Variants in DPY30 observed in about 807,000 individuals in gnomAD.
DPY30 encodes the protein dpy-30 histone methyltransferase complex regulatory subunit.
In DPY30, 6 loss-of-function variants were observed where a neutral mutation model predicts 16.2. The ratio of observed to expected loss-of-function variants is 0.37; its 90% CI spans 0.20 to 0.73. DPY30 has a LOEUF of 0.73. Among genes scored for constraint, DPY30 ranks in the 30% least tolerant of loss-of-function variants. The probability of loss-of-function intolerance (pLI) is 0.51; values close to 1 mark genes in which losing one functional copy is unlikely to be tolerated. For synonymous variants in DPY30, 39 were observed against 38.8 expected (o/e 1.00, Z -0.02); for missense variants, 73 against 113.1 (o/e 0.65, Z 1.61).
At chr2:32,029,759 G>T in intron 3 of DPY30, 23 bp from the exon 4 acceptor site, 1 of 1,611,200 alleles carries the variant, frequency 6.2e-7, no homozygotes, top group East Asian at 2.2e-5. Flanking sequence ...AAAAAACAGT[G>T]CATGAACATT....
intron 3 of DPY30, among the ~76,000 whole-genome samples, chr2:32,037,268 TCTC>T (rs888585206): frequency 5.9e-5 from 9 of 152,238 alleles, no homozygotes; most frequent in East Asian, 3.9e-4. Flanking sequence ...AATGTAAAAT[TCTC>T]CTTTTTTTGT....
intron 4 of DPY30, 84 bp from the exon 5 acceptor site, chr2:32,024,340 A>T: frequency 9.9e-7 from 1 of 1,010,872 alleles, no homozygotes; most frequent in Non-Finnish European, 1.5e-6. Context: ...ATGAAAACTC[A>T]TCTTTTTAAG....
At chr2:32,019,217 T>A (rs1184210676), downstream of DPY30, among the ~76,000 whole-genome samples, 2 of 152,118 alleles carry the variant, frequency 1.3e-5, no homozygotes. Flanking sequence ...CTCAGCCTTC[T>A]GAGCAGCTGG....
chr2:32,030,547 G>C (rs1018272790), intron 3 of DPY30, among the ~76,000 whole-genome samples: 5 of 151,402 alleles, frequency 3.3e-5, no homozygotes, highest in African/African-American at 1.2e-4. Flanking sequence ...GGAGAATGGC[G>C]TGAACCTGGG....
At chr2:32,021,771 T>TA (rs910359171), downstream of DPY30, among the ~76,000 whole-genome samples, 1 of 151,976 alleles carries the variant, frequency 6.6e-6, no homozygotes, top group African/African-American at 2.4e-5. Flanking sequence ...ACATAAATAA[T>TA]ACTTATATTA....
intron 3 of DPY30, among the ~76,000 whole-genome samples, chr2:32,036,608 T>C (rs1279812727): frequency 1.3e-5 from 2 of 150,702 alleles, no homozygotes; most frequent in Non-Finnish European, 2.9e-5. Flanking sequence ...AAGGCGGAGC[T>C]TGCAGTGAGC....
At chr2:32,027,270 C>CA (rs1182400819) in intron 4 of DPY30, among the ~76,000 whole-genome samples, 892 of 69,930 alleles carry the variant, frequency 0.013, 5 homozygotes, top group African/African-American at 0.025. Context: ...GACTCTGTCT[C>CA]AAAAAAAAAA....
chr2:32,038,397 G>A (rs1221422902), intron 3 of DPY30, among the ~76,000 whole-genome samples: 3 of 103,456 alleles, frequency 2.9e-5, no homozygotes, highest in Non-Finnish European at 5.4e-5. Context: ...CACCGCGTCC[G>A]GCCTTATTTT....
At chr2:32,026,606 C>A (rs900522251) in intron 4 of DPY30, among the ~76,000 whole-genome samples, 1 of 152,138 alleles carries the variant, frequency 6.6e-6, no homozygotes, top group Non-Finnish European at 1.5e-5. Context: ...GCCTAATCAA[C>A]ATGGTAAAAC....
intron 5 of DPY30, chr2:32,013,381 A>AT (rs1230048338): frequency 6.6e-6 from 1 of 152,198 alleles, no homozygotes; most frequent in Non-Finnish European, 1.5e-5. Context: ...TTAGCAGATA[A>AT]TTATGTTATC....
intron 5 of DPY30, among the ~76,000 whole-genome samples, chr2:32,015,084 CA>C (rs35831269): frequency 0.16 from 23,397 of 144,254 alleles, 2,035 homozygotes; most frequent in African/African-American, 0.25. Context: ...ACATACCAAA[CA>C]AAAAAAAAAA....
chr2:32,036,111 A>G (rs1675727076), intron 3 of DPY30, among the ~76,000 whole-genome samples: 1 of 150,780 alleles, frequency 6.6e-6, no homozygotes, highest in Non-Finnish European at 1.5e-5. Context: ...CAGTCTCCTG[A>G]GTAGCTGGTA....
intron 5 of DPY30, among the ~76,000 whole-genome samples, chr2:32,014,774 C>G (rs1011632003): frequency 4.0e-5 from 6 of 151,388 alleles, no homozygotes; most frequent in Admixed American, 3.9e-4. Context: ...TGAGCCACCA[C>G]GCCTGGCCGA....
At chr2:32,035,626 G>A (rs1163816684) in intron 3 of DPY30, among the ~76,000 whole-genome samples, 1 of 148,550 alleles carries the variant, frequency 6.7e-6, no homozygotes, top group Non-Finnish European at 1.5e-5. Context: ...TATTCTATAA[G>A]TTCACAATAG....
At chr2:32,013,596 A>G (rs1486326135) in intron 5 of DPY30, among the ~76,000 whole-genome samples, 2 of 152,236 alleles carry the variant, frequency 1.3e-5, no homozygotes, top group African/African-American at 4.8e-5. Context: ...GTTATTATCA[A>G]TAATTTCCAT....
chr2:32,015,859 A>T (rs1410008538), intron 5 of DPY30, among the ~76,000 whole-genome samples: 1 of 151,954 alleles, frequency 6.6e-6, no homozygotes, highest in East Asian at 1.9e-4. Context: ...TAAAAAAAAA[A>T]AAAAAAAAAA....
In DPY30 at chr2:32,035,088, G is replaced by GA. The variant is rs1416591470; in HGVS notation, c.84+4190dup. ...CACGCCACTACACTCCAGCCTGGGG[G>GA]ACAGAGCGAGACTCCATTTAAAAAA... On this transcript the variant is annotated intron_variant, in intron 3 of 4. Transcript: ENST00000342166. 1.2e-4 allele frequency among the ~76,000 whole-genome samples: 18 copies of GA among 150,746 alleles called. No individual in the cohort carries two copies. The Admixed American group carries it at 1.2e-3, about 10-fold the overall frequency.
chr2:32,026,923 C>CT lies in DPY30; in HGVS notation c.228-2668dup, dbSNP rs534056939. Among the ~76,000 whole-genome samples the CT allele has an allele frequency of 6.4e-3, 897 of 140,408 alleles. 11 individuals are homozygous for CT. The highest frequency in any genetic ancestry group is 0.05 in the South Asian group (223 of 4,418). 92.1% of individuals were successfully genotyped at this position (140,408 alleles called of 152,430 possible). ...TATCCATATTTTTTTCCTTTTTTCC[C>CT]TTTTTTTTTTTTTTAAGACTACTCA... is the stretch of plus-strand genomic sequence containing the variant. On this transcript the variant is annotated intron_variant, in intron 4 of 4. Transcript: ENST00000342166.
At chr2:32,027,627 A>ATTTTT (rs1190753873) in intron 4 of DPY30, among the ~76,000 whole-genome samples, 3 of 117,914 alleles carry the variant, frequency 2.5e-5, no homozygotes, top group Non-Finnish European at 3.4e-5. Context: ...CAAGATACCC[A>ATTTTT]TTTTTTTTTT....
Sources: gnomAD v4.1 joint callset for allele counts (sites outside exome capture counted in the v4.1 genomes callset) on GRCh38, gnomAD v4.1.1 for gene constraint, MANE v1.5 for transcripts, NCBI Gene and HGNC (gene_info 2026-07-23, HGNC 2026-07-21) for gene names.